Variants in TNRC6B observed in about 807,000 individuals in gnomAD.
TNRC6B encodes trinucleotide repeat-containing gene 6B protein.
In TNRC6B, 52 loss-of-function variants were observed where a neutral mutation model predicts 203.6. The ratio of observed to expected loss-of-function variants is 0.26; its 90% confidence interval spans 0.20 to 0.32. The LOEUF is 0.32. Ranked by LOEUF, TNRC6B falls within the 10% of genes least tolerant of loss-of-function variation. TNRC6B has a pLI of 1.00. For synonymous variants in TNRC6B, 838 were observed against 845.7 expected, an observed-to-expected ratio of 0.99 and a Z score of 0.16; for missense variants, 1,923 against 2,286.2, an observed-to-expected ratio of 0.84 and a Z score of 3.24.
chr22:40,237,459 A>C (rs558619949), intron 1 of TNRC6B, among the ~76,000 whole-genome samples: 70 of 152,324 alleles, frequency 4.6e-4, no homozygotes, highest in African/African-American at 1.6e-3. Context: ...TCAAGTGAGC[A>C]CTGAAATACT....
At chr22:40,173,104 T>C (rs557901769), upstream of TNRC6B, among the ~76,000 whole-genome samples, 2 of 152,140 alleles carry the variant, frequency 1.3e-5, no homozygotes, top group African/African-American at 2.4e-5. Context: ...AAACAAAATA[T>C]AGTTTTTGGT....
intron 3 of TNRC6B, among the ~76,000 whole-genome samples, chr22:40,261,078 G>A (rs563199623): frequency 6.6e-6 from 1 of 152,000 alleles, no homozygotes; most frequent in Non-Finnish European, 1.5e-5. Flanking sequence ...TCAGGAGTTC[G>A]AGACCAGTCT....
intron 1 of TNRC6B, among the ~76,000 whole-genome samples, chr22:40,181,817 G>T (rs967277140): frequency 6.6e-6 from 1 of 152,030 alleles, no homozygotes; most frequent in Non-Finnish European, 1.5e-5. Flanking sequence ...GGTGGCTCAC[G>T]CCTGTCATCT....
intron 1 of TNRC6B, among the ~76,000 whole-genome samples, chr22:40,102,145 T>C (rs1476089681): frequency 6.6e-6 from 1 of 152,188 alleles, no homozygotes; most frequent in Non-Finnish European, 1.5e-5. Context: ...TATGAATATA[T>C]TTTTTTAAAA....
At chr22:40,275,457 T>C (rs1377008581) in intron 7 of TNRC6B, among the ~76,000 whole-genome samples, 1 of 152,182 alleles carries the variant, frequency 6.6e-6, no homozygotes, top group East Asian at 1.9e-4. Context: ...TTTTAAAAAT[T>C]GTGATAAAAT....
At chr22:40,292,592 T>TGAA (rs1232307757) in intron 12 of TNRC6B, among the ~76,000 whole-genome samples, 2 of 152,174 alleles carry the variant, frequency 1.3e-5, no homozygotes, top group Admixed American at 1.3e-4. Flanking sequence ...AGCAGGAGAT[T>TGAA]GAAGGGCTTT....
At chr22:40,273,286 G>A in intron 6 of TNRC6B, 139 bp from the exon 7 acceptor site, 2 of 756,220 alleles carry the variant, frequency 2.6e-6, no homozygotes, top group Admixed American at 6.9e-5. Flanking sequence ...TAAAAAATGA[G>A]TAATAATATT....
At chr22:40,103,695 T>G (rs1316414627) in intron 1 of TNRC6B, among the ~76,000 whole-genome samples, 1 of 151,978 alleles carries the variant, frequency 6.6e-6, no homozygotes, top group Admixed American at 6.5e-5. Context: ...CAGGCTGGAG[T>G]GCAGTGGCAC....
intron 1 of TNRC6B, among the ~76,000 whole-genome samples, chr22:40,188,036 A>G (rs529555270): frequency 6.6e-6 from 1 of 152,092 alleles, no homozygotes; most frequent in Non-Finnish European, 1.5e-5. Flanking sequence ...CCTGGCCAAC[A>G]TGGTGAAACC....
chr22:40,172,973 T>C (rs1379724962), upstream of TNRC6B, among the ~76,000 whole-genome samples: 1 of 152,248 alleles, frequency 6.6e-6, no homozygotes. Flanking sequence ...TAGCATGAGT[T>C]AAAAGATTTT....
At chr22:40,298,129 A>AATAAAC (rs2070970634) in intron 12 of TNRC6B, among the ~76,000 whole-genome samples, 1 of 146,036 alleles carries the variant, frequency 6.8e-6, no homozygotes, top group South Asian at 2.1e-4. Flanking sequence ...CATCTCAAAA[A>AATAAAC]ATAAAAATAA....
At chr22:40,311,112 A>T (rs978614434) in intron 17 of TNRC6B, 119 bp downstream of exon 17, 14 of 1,172,018 alleles carry the variant, frequency 1.2e-5, no homozygotes, top group African/African-American at 1.6e-5. Context: ...TATTTTTTTC[A>T]TTCAATAATT....
intron 1 of TNRC6B, among the ~76,000 whole-genome samples, chr22:40,081,351 C>T (rs1300021664): frequency 2.1e-5 from 2 of 94,854 alleles, no homozygotes; most frequent in African/African-American, 7.6e-5. Flanking sequence ...CCTTGGACTT[C>T]ATTGCCTAGC....
intron 1 of TNRC6B, among the ~76,000 whole-genome samples, chr22:40,235,311 T>C (rs2069932766): frequency 2.0e-5 from 3 of 152,172 alleles, no homozygotes; most frequent in African/African-American, 4.8e-5. Context: ...TAAATGGTAC[T>C]TGAGAGGCTG....
Position 40,312,896 on chromosome 22 carries a change from C to A in TNRC6B, c.4583-6C>A. Reference sequence around the variant, plus strand: ...AGTATTTTCTTCTTGTTCTTTGTTACCCAAGGGTCTAATTCTTCCCTCAAC... The same window carrying A: ...AGTATTTTCTTCTTGTTCTTTGTTAACCAAGGGTCTAATTCTTCCCTCAAC... On this transcript the variant is annotated splice_region_variant and splice_polypyrimidine_tract_variant and intron_variant, in intron 18 of 22. Transcript: ENST00000454349. 2 of 1,612,442 alleles carry A rather than the reference C, an allele frequency of 1.2e-6. No homozygotes were observed. Among genetic ancestry groups the A allele is most frequent in the Non-Finnish European group, 1.7e-6 (2 of 1,179,006 alleles).
intron 1 of TNRC6B, among the ~76,000 whole-genome samples, chr22:40,225,769 A>G (rs1366021743): frequency 2.0e-5 from 3 of 149,150 alleles, no homozygotes; most frequent in Admixed American, 6.7e-5. Context: ...AAAAAAAAAG[A>G]AGGAGAAGAA....
rs372951795 is a variant in TNRC6B, at chr22:40,086,916, A to G, written c.-120-30139A>G. ...GCTACATAAAAACCAGGCAGTGTTT[A>G]AAGATTATCATTATAGCATTTGTTT... On this transcript the variant is annotated intron_variant, in intron 1 of 23. Coordinates refer to the TNRC6B transcript ENST00000301923. 1.2e-4 allele frequency among the ~76,000 whole-genome samples: 19 copies of G among 152,340 alleles called. 2 individuals are homozygous for G. Among genetic ancestry groups the G allele is most frequent in the Admixed American group, 9.8e-4 (15 of 15,308 alleles).
intron 7 of TNRC6B, chr22:40,276,858 T>A (rs1398115633): frequency 2.7e-6 from 1 of 367,978 alleles, no homozygotes; most frequent in African/African-American, 2.1e-5. Context: ...TTCCAGTTAC[T>A]TCTGGTTCAG....
chr22:40,274,466 G>A (rs1012910501), intron 7 of TNRC6B, among the ~76,000 whole-genome samples: 1 of 150,954 alleles, frequency 6.6e-6, no homozygotes, highest in Non-Finnish European at 1.5e-5. Flanking sequence ...TGTCGCCCAG[G>A]CTGGACTGCA....
Sources: gnomAD v4.1 joint callset for allele counts (sites outside exome capture counted in the v4.1 genomes callset) on GRCh38, gnomAD v4.1.1 for gene constraint, MANE v1.5 for transcripts, NCBI Gene and HGNC (gene_info 2026-07-23, HGNC 2026-07-21) for gene names.